SDK1: variants seen among roughly 807,000 people sequenced by gnomAD.
The protein encoded by SDK1 is protein sidekick-1.
In SDK1, 157 loss-of-function variants were observed where a neutral mutation model predicts 245.5. The ratio of observed to expected loss-of-function variants is 0.64; its 90% CI spans 0.56 to 0.73. The LOEUF (loss-of-function observed/expected upper bound fraction) is 0.73, where lower values mean the gene tolerates loss of function less well. SDK1 is among the 30% of genes least tolerant of loss of function. SDK1 has a pLI of 0.00. For missense variants in SDK1, 3,583 were observed against 3,002.3 expected (o/e 1.19, Z -4.52); for synonymous variants, 1,647 against 1,278.5 (o/e 1.29, Z -6.15).
intron 1 of SDK1, among the ~76,000 whole-genome samples, chr7:3,381,654 A>G (rs189846335): frequency 1.3e-5 from 2 of 152,192 alleles, no homozygotes; most frequent in African/African-American, 4.8e-5. Flanking sequence ...GTATTTTCCA[A>G]CGGAGGTGGA....
chr7:4,140,241 G>A (rs915089619), intron 28 of SDK1, among the ~76,000 whole-genome samples: 3 of 152,088 alleles, frequency 2.0e-5, no homozygotes, highest in African/African-American at 4.8e-5. Flanking sequence ...TCTGGCCCCC[G>A]CTGCATAGCG....
chr7:3,383,278 G>A (rs1781534207), intron 1 of SDK1, among the ~76,000 whole-genome samples: 1 of 152,054 alleles, frequency 6.6e-6, no homozygotes, highest in East Asian at 1.9e-4. Context: ...TGGTGTGGTG[G>A]CATGTGCCTG....
At chr7:3,306,362 C>A (rs975939836) in intron 1 of SDK1, among the ~76,000 whole-genome samples, 1 of 152,146 alleles carries the variant, frequency 6.6e-6, no homozygotes, top group Admixed American at 6.6e-5. Context: ...ATTCCAGCTT[C>A]ATGATGGTCT....
intron 1 of SDK1, among the ~76,000 whole-genome samples, chr7:3,415,966 T>C (rs1050323363): frequency 2.0e-5 from 3 of 152,158 alleles, no homozygotes; most frequent in African/African-American, 7.2e-5. Context: ...TCTGTTAGTG[T>C]TGTCATAATA....
At chr7:4,096,427 C>T (rs934978895) in intron 22 of SDK1, among the ~76,000 whole-genome samples, 6 of 152,054 alleles carry the variant, frequency 3.9e-5, no homozygotes, top group African/African-American at 1.4e-4. Context: ...GGGGGATGGT[C>T]ACTGAGAGCT....
rs564300966 is a variant in SDK1, at chr7:3,531,456, G to A, written c.299-87624G>A. On this transcript the variant is annotated intron_variant, in intron 1 of 44. Coordinates refer to ENST00000404826, the MANE Select transcript of SDK1 (RefSeq NM_152744.4). The stretch of plus-strand genomic sequence containing the variant: ...TTTGCATATTGAATTTAGCTACCAT[G>A]TCCTTTGGACTTTTTCACTGAGACC... Among the ~76,000 whole-genome samples, 52 of 152,152 alleles carry A rather than the reference G, an allele frequency of 3.4e-4. 1 individual carries two copies. The South Asian group carries it at 0.01, about 30-fold the overall frequency.
At chr7:4,093,678 T>TCGACAG (rs1445244995) in intron 22 of SDK1, among the ~76,000 whole-genome samples, 6 of 152,126 alleles carry the variant, frequency 3.9e-5, no homozygotes, top group Non-Finnish European at 7.3e-5. Context: ...GCCGGCGGCG[T>TCGACAG]CGACAGCGAC....
intron 1 of SDK1, among the ~76,000 whole-genome samples, chr7:3,603,605 A>G (rs568449067): frequency 2.0e-5 from 3 of 152,214 alleles, no homozygotes; most frequent in African/African-American, 7.2e-5. Context: ...GGTTTTCTAG[A>G]TATACAATCA....
intron 1 of SDK1, among the ~76,000 whole-genome samples, chr7:3,371,079 C>T (rs1220765246): frequency 6.6e-6 from 1 of 152,100 alleles, no homozygotes; most frequent in East Asian, 1.9e-4. Context: ...ACATATGATA[C>T]ATGTGACAGT....
intron 22 of SDK1, among the ~76,000 whole-genome samples, chr7:4,109,241 C>G (rs1301994427): frequency 6.6e-6 from 1 of 152,168 alleles, no homozygotes; most frequent in Non-Finnish European, 1.5e-5. Context: ...GAGCCACTGA[C>G]CATGTGGATG....
At chr7:3,611,962 C>T (rs935306743) in intron 1 of SDK1, among the ~76,000 whole-genome samples, 6 of 152,118 alleles carry the variant, frequency 3.9e-5, no homozygotes, top group African/African-American at 1.4e-4. Flanking sequence ...CTGGCTGGAA[C>T]TGGAGACCAT....
At chr7:3,507,675 A>C (rs1333970613) in intron 1 of SDK1, among the ~76,000 whole-genome samples, 1 of 152,172 alleles carries the variant, frequency 6.6e-6, no homozygotes, top group Non-Finnish European at 1.5e-5. Context: ...CTAAGTGGTT[A>C]GTAGCCATTT....
intron 4 of SDK1, among the ~76,000 whole-genome samples, chr7:3,734,909 C>G (rs778822679): frequency 6.6e-6 from 1 of 152,186 alleles, no homozygotes; most frequent in Non-Finnish European, 1.5e-5. Context: ...CAGTCCTGTT[C>G]TTGGCTGAAG....
At chr7:3,938,455 A>G (rs1420437777) in intron 5 of SDK1, among the ~76,000 whole-genome samples, 2 of 152,060 alleles carry the variant, frequency 1.3e-5, no homozygotes, top group African/African-American at 4.8e-5. Context: ...AACCTGGCGA[A>G]CACGGTGAAA....
chr7:3,582,091 C>G (rs1239052201), intron 1 of SDK1, among the ~76,000 whole-genome samples: 2 of 145,620 alleles, frequency 1.4e-5, no homozygotes, highest in Non-Finnish European at 3.1e-5. Flanking sequence ...TCAGGTAGGC[C>G]TGTCTCAGGT....
intron 1 of SDK1, among the ~76,000 whole-genome samples, chr7:3,329,060 C>T (rs1780003984): frequency 2.0e-5 from 3 of 152,154 alleles, no homozygotes; most frequent in Admixed American, 1.3e-4. Flanking sequence ...CCCTCTCTTG[C>T]TACTGCTAGA....
chr7:4,220,349 T>C lies in SDK1; in HGVS notation c.5701+79T>C, dbSNP rs1161206629. ...TCCTGCTTCACTGAGCTGAGATCCATCTACATGGTCAACAAGGTGATGTTG... is the reference window on the plus strand; with the variant it reads ...TCCTGCTTCACTGAGCTGAGATCCACCTACATGGTCAACAAGGTGATGTTG... On this transcript the variant is annotated intron_variant, in intron 39 of 44. Coordinates refer to ENST00000404826, the MANE Select transcript of SDK1 (RefSeq NM_152744.4). 6.1e-6 allele frequency: 9 copies of C among 1,469,374 alleles called. No homozygotes were observed. In the East Asian group the frequency reaches 1.8e-4, roughly 30 times the overall value. 91.0% of individuals were successfully genotyped at this position (1,469,374 alleles called of 1,614,324 possible). A position where few individuals can be genotyped will look rare whatever the true frequency, so the allele number is the denominator to read the frequency against.
At chr7:3,661,981 A>G (rs940217359) in intron 4 of SDK1, among the ~76,000 whole-genome samples, 2 of 151,450 alleles carry the variant, frequency 1.3e-5, no homozygotes, top group African/African-American at 2.4e-5. Context: ...GGTTCTGACA[A>G]CTCTCATTAT....
At chr7:3,895,592 C>T (rs1781582889) in intron 5 of SDK1, among the ~76,000 whole-genome samples, 1 of 152,206 alleles carries the variant, frequency 6.6e-6, no homozygotes, top group African/African-American at 2.4e-5. Flanking sequence ...CACGGAAGGA[C>T]CCATGCCCCC....
Sources: gnomAD v4.1 joint callset for allele counts (sites outside exome capture counted in the v4.1 genomes callset) on GRCh38, gnomAD v4.1.1 for gene constraint, MANE v1.5 for transcripts, NCBI Gene and HGNC (gene_info 2026-07-23, HGNC 2026-07-21) for gene names.